Variants in ARHGEF37 observed in about 807,000 individuals in gnomAD.
ARHGEF37 encodes the protein Rho guanine nucleotide exchange factor (GEF) 37.
ARHGEF37 carries 55 observed loss-of-function variants against 71.1 expected under a neutral mutation model. The ratio of observed to expected loss-of-function variants is 0.77; its 90% CI spans 0.62 to 0.97. The LOEUF is 0.97. Among genes scored for constraint, ARHGEF37 ranks in the 50% least tolerant of loss-of-function variants. The pLI is 0.00. For synonymous variants in ARHGEF37, 327 were observed against 350.6 expected, an observed-to-expected ratio of 0.93 and a Z score of 0.75; for missense variants, 765 against 836.8, an observed-to-expected ratio of 0.91 and a Z score of 1.06.
chr5:149,605,878 T>G (rs1264245323), intron 3 of ARHGEF37, among the ~76,000 whole-genome samples: 1 of 152,214 alleles, frequency 6.6e-6, no homozygotes, highest in Non-Finnish European at 1.5e-5. Context: ...GTCTTGACCA[T>G]GCTGCCTCCC....
intron 1 of ARHGEF37, among the ~76,000 whole-genome samples, chr5:149,589,853 G>A (rs12054957): frequency 0.23 from 34,973 of 151,498 alleles, 4,727 homozygotes; most frequent in Admixed American, 0.4. Flanking sequence ...TTTTAATAGA[G>A]ATGGGGTCTC....
intron 4 of ARHGEF37, among the ~76,000 whole-genome samples, chr5:149,613,177 A>G (rs114104016): frequency 0.021 from 3,202 of 152,310 alleles, 113 homozygotes; most frequent in African/African-American, 0.074. Flanking sequence ...TTTTAAATAT[A>G]AAAGCAACAT....
At chr5:149,552,369 C>G (rs572963301) in intron 1 of ARHGEF37, among the ~76,000 whole-genome samples, 2 of 151,588 alleles carry the variant, frequency 1.3e-5, no homozygotes, top group African/African-American at 4.8e-5. Flanking sequence ...TACAAAAAAT[C>G]GATCAGAGAA....
intron 1 of ARHGEF37, among the ~76,000 whole-genome samples, chr5:149,562,603 C>G (rs1034708274): frequency 2.0e-5 from 3 of 152,160 alleles, no homozygotes; most frequent in African/African-American, 7.2e-5. Flanking sequence ...CCGGCTACCA[C>G]ACCCGGCTAA....
At chr5:149,611,398 A>C (rs1764073914) in intron 4 of ARHGEF37, among the ~76,000 whole-genome samples, 1 of 152,254 alleles carries the variant, frequency 6.6e-6, no homozygotes, top group African/African-American at 2.4e-5. Flanking sequence ...CCAGAAACTT[A>C]GATGTAACAT....
intron 1 of ARHGEF37, among the ~76,000 whole-genome samples, chr5:149,585,929 C>G (rs1394196437): frequency 1.3e-5 from 2 of 152,236 alleles, no homozygotes; most frequent in Non-Finnish European, 2.9e-5. Flanking sequence ...CCATATCAGT[C>G]TAACTCCAGT....
chr5:149,567,986 G>A (rs1381837433), intron 1 of ARHGEF37, among the ~76,000 whole-genome samples: 2 of 151,928 alleles, frequency 1.3e-5, no homozygotes, highest in African/African-American at 4.8e-5. Flanking sequence ...TCTCTCATCA[G>A]TTTATATACA....
At chr5:149,589,207 AG>A (rs763245053) in intron 1 of ARHGEF37, among the ~76,000 whole-genome samples, 1 of 150,724 alleles carries the variant, frequency 6.6e-6, no homozygotes, top group Non-Finnish European at 1.5e-5. Context: ...AAAAAAAAAA[AG>A]TTTTGAATAT....
intron 1 of ARHGEF37, among the ~76,000 whole-genome samples, chr5:149,556,864 G>C (rs1762763371): frequency 6.6e-6 from 1 of 152,200 alleles, no homozygotes; most frequent in Non-Finnish European, 1.5e-5. Flanking sequence ...ATCAGCATCA[G>C]ATAAGGGAAT....
intron 1 of ARHGEF37, among the ~76,000 whole-genome samples, chr5:149,568,237 G>A (rs1183538772): frequency 6.6e-6 from 1 of 151,918 alleles, no homozygotes; most frequent in Admixed American, 6.6e-5. Context: ...ATATTGCCTA[G>A]GTTGGTCTTG....
At chr5:149,576,146 T>C (rs1391098361) in intron 1 of ARHGEF37, among the ~76,000 whole-genome samples, 2 of 152,182 alleles carry the variant, frequency 1.3e-5, no homozygotes, top group Non-Finnish European at 2.9e-5. Flanking sequence ...TCTGGATGCC[T>C]AGGCATGAGA....
intron 7 of ARHGEF37, among the ~76,000 whole-genome samples, chr5:149,619,878 T>C (rs1428840998): frequency 6.6e-6 from 1 of 152,148 alleles, no homozygotes; most frequent in African/African-American, 2.4e-5. Context: ...AAGACCAGCC[T>C]GGTCAACATG....
At chr5:149,574,434 C>T (rs1763003404) in intron 1 of ARHGEF37, among the ~76,000 whole-genome samples, 1 of 152,192 alleles carries the variant, frequency 6.6e-6, no homozygotes, top group South Asian at 2.1e-4. Flanking sequence ...GGCTGGGTCT[C>T]CTCACAGGTC....
chr5:149,627,362 A>C, intron 11 of ARHGEF37, 91 bp downstream of exon 11: 1 of 1,440,376 alleles, frequency 6.9e-7, no homozygotes, highest in Non-Finnish European at 9.4e-7. Context: ...TGTGGGTCAA[A>C]GTCTGGCTGG....
At chr5:149,616,790 G>A in intron 5 of ARHGEF37, 24 bp downstream of exon 5, 2 of 1,568,634 alleles carry the variant, frequency 1.3e-6, no homozygotes, top group Non-Finnish European at 1.7e-6. Context: ...CATTTAAGGG[G>A]ACACATTAGT....
chr5:149,625,935 G>A (rs533874514), intron 10 of ARHGEF37, among the ~76,000 whole-genome samples: 2 of 152,280 alleles, frequency 1.3e-5, no homozygotes, highest in Admixed American at 1.3e-4. Context: ...AGGGAGGGCC[G>A]GTCAGCCTTG....
intron 1 of ARHGEF37, among the ~76,000 whole-genome samples, chr5:149,560,777 T>A (rs1375082264): frequency 1.3e-5 from 2 of 151,788 alleles, no homozygotes; most frequent in Non-Finnish European, 2.9e-5. Flanking sequence ...AAAAAAAAAA[T>A]TGTGCCATTT....
intron 1 of ARHGEF37, among the ~76,000 whole-genome samples, chr5:149,561,572 C>A (rs1427599897): frequency 6.6e-6 from 1 of 152,178 alleles, no homozygotes; most frequent in Non-Finnish European, 1.5e-5. Context: ...GGAGGAAATT[C>A]AAGTCATCAA....
chr5:149,589,107 T>C (rs6869644), intron 1 of ARHGEF37, among the ~76,000 whole-genome samples: 38,878 of 151,526 alleles, frequency 0.26, 5,355 homozygotes, highest in Admixed American at 0.41. Context: ...CACATGTCTG[T>C]AGTCCCAGCT....
Sources: allele counts gnomAD v4.1 joint callset (sites outside exome capture counted in the v4.1 genomes callset), GRCh38; gene constraint gnomAD v4.1.1; transcripts MANE v1.5; gene names NCBI Gene and HGNC (gene_info 2026-07-23, HGNC 2026-07-21).